Variants in MCM6 observed in about 807,000 individuals in gnomAD.
MCM6 encodes minichromosome maintenance complex component 6.
In MCM6, 46 loss-of-function variants were observed where a neutral mutation model predicts 94.3. The ratio of observed to expected loss-of-function variants is 0.49; its 90% CI spans 0.39 to 0.62. The LOEUF is 0.62. Ranked by LOEUF, MCM6 falls within the 20% of genes least tolerant of loss-of-function variation. The probability of loss-of-function intolerance (pLI) is 0.00; values close to 1 mark genes in which losing one functional copy is unlikely to be tolerated. For missense variants in MCM6, 865 were observed against 1,017.9 expected, an observed-to-expected ratio of 0.85 and a Z score of 2.04; for synonymous variants, 335 against 351.9, an observed-to-expected ratio of 0.95 and a Z score of 0.54.
intron 8 of MCM6, among the ~76,000 whole-genome samples, chr2:135,860,881 G>C (rs1385406881): frequency 6.6e-6 from 1 of 152,008 alleles, no homozygotes; most frequent in Admixed American, 6.6e-5. Context: ...TCTAATCAAG[G>C]ACAATTAGGC....
At chr2:135,873,923 G>A (rs1463287784) in intron 1 of MCM6, among the ~76,000 whole-genome samples, 1 of 152,210 alleles carries the variant, frequency 6.6e-6, no homozygotes, top group Non-Finnish European at 1.5e-5. Context: ...AAAACAGGTG[G>A]TGAAGTGACT....
Position 135,846,284 on chromosome 2 carries a change from C to A in MCM6, c.2162G>T (p.Cys721Phe), listed in dbSNP as rs898714667. 1.1e-5 allele frequency: 18 copies of A among 1,613,966 alleles called. No individual in the cohort carries two copies. In the Admixed American group the frequency reaches 1.8e-4, roughly 16 times the overall value. Residue 721 changes from cysteine (C) to phenylalanine (F), a missense_variant, in exon 15 of 17, where the codon TGC becomes TTC. Around this residue, in one of 3 missense-constraint regions of MCM6, gnomAD observed 308 missense variants for 324.5 expected, o/e 0.95. Coordinates refer to ENST00000264156, the MANE Select transcript of MCM6 (RefSeq NM_005915.6). ...AAGCACAATAAGGTTAGAGATTCGG[C>A]AGTACTCAGAGAAGCCCAGCCTTAA... ...ASLRLGFSEYCRISNLIVLHL... is the reference protein window; with the variant it reads ...ASLRLGFSEYFRISNLIVLHL...
At chr2:135,842,582 C>T (rs897732394) in intron 16 of MCM6, among the ~76,000 whole-genome samples, 1 of 152,216 alleles carries the variant, frequency 6.6e-6, no homozygotes, top group Non-Finnish European at 1.5e-5. Context: ...AAAGAATATA[C>T]TGCTGGGCCA....
rs747222067 is a variant in MCM6, at chr2:135,846,277, G to C, written c.2169C>G (p.Ile723Met). Residue 723 changes from isoleucine (I) to methionine (M), a missense_variant, in exon 15 of 17, where the codon ATC becomes ATG. Ile to Met is a conservative substitution (Grantham distance 10). This residue lies in a region of MCM6 where 308 missense variants were observed against 324.5 expected (regional missense o/e 0.95). Transcript: ENST00000264156. ...LRLGFSEYCRISNLIVLHLRK... is the reference protein window; with the variant it reads ...LRLGFSEYCRMSNLIVLHLRK... ...TGAGGTGAAGCACAATAAGGTTAGA[G>C]ATTCGGCAGTACTCAGAGAAGCCCA... The C allele has an allele frequency of 9.9e-6, 16 of 1,614,008 alleles. No individual in the cohort carries two copies. The East Asian group carries it at 3.3e-4, about 34-fold the overall frequency.
Position 135,868,671 on chromosome 2 carries a change from A to G in MCM6, c.555T>C (p.Cys185=), listed in dbSNP as rs1680143943. The stretch of plus-strand genomic sequence containing the variant: ...CCAGTAAGAATCTCCTCCTGTTGGC[A>G]CAAACTGGATTTCGGCAGATGTTTG... ...TQPNICRNPV[C]ANRRRFLLDT... is the part of the protein sequence containing the mutation. The change falls in exon 4 of 17, where the codon TGT becomes TGC. Residue 185 remains cysteine (C), a synonymous_variant. Transcript: ENST00000264156. 1 of 1,614,168 alleles carries G rather than the reference A, an allele frequency of 6.2e-7. No homozygotes were observed.
chr2:135,860,137 T>G (rs1231811621), intron 8 of MCM6, among the ~76,000 whole-genome samples: 2 of 149,332 alleles, frequency 1.3e-5, no homozygotes, highest in Admixed American at 6.7e-5. Flanking sequence ...TTTAATTTAA[T>G]TAATTTATTT....
Position 135,872,778 on chromosome 2 carries a change from C to G in MCM6, c.173G>C (p.Arg58Thr). 6.2e-7 allele frequency: 1 copy of G among 1,614,216 alleles called. No homozygotes were observed. Among genetic ancestry groups the G allele is most frequent in the Non-Finnish European group, 8.5e-7 (1 of 1,180,044 alleles). The change falls in exon 2 of 17, where the codon AGA (arginine) becomes ACA (threonine). Residue 58 changes from arginine to threonine, a missense_variant. Physicochemically the swap from Arg to Thr is moderately conservative, Grantham distance 71 (BLOSUM62 -1). Coordinates refer to ENST00000264156, the MANE Select transcript of MCM6 (RefSeq NM_005915.6). ...QLAEELIRPE[R>T]NTLVVSFVDL... Reference sequence around the variant, plus strand: ...CACAAAACTCACAACCAATGTGTTTCTCTCAGGACGAATCAGTTCCTCTGC... The same window carrying G: ...CACAAAACTCACAACCAATGTGTTTGTCTCAGGACGAATCAGTTCCTCTGC...
intron 4 of MCM6, among the ~76,000 whole-genome samples, chr2:135,867,035 A>G (rs1306851709): frequency 6.6e-6 from 1 of 152,186 alleles, no homozygotes; most frequent in Non-Finnish European, 1.5e-5. Context: ...ATGACTCCAA[A>G]TATCTGTTCC....
rs551998261 is a variant in MCM6, at chr2:135,843,968, G to A, written c.2349+577C>T. On this transcript the variant is annotated intron_variant, in intron 16 of 16. Coordinates refer to ENST00000264156, the MANE Select transcript of MCM6 (RefSeq NM_005915.6). The stretch of plus-strand genomic sequence containing the variant: ...AGAGAGTGAGGCAAAGAACTGACCC[G>A]GGAAAAGGAATTGCACTGGGCAGTG... 9.9e-5 allele frequency among the ~76,000 whole-genome samples: 15 copies of A among 152,128 alleles called. 1 individual carries two copies. The South Asian group carries it at 3.1e-3, about 32-fold the overall frequency.
In MCM6 at chr2:135,846,169, C is replaced by T. The variant is rs530288746; in HGVS notation, c.2209+68G>A. 2.1e-5 allele frequency: 32 copies of T among 1,501,408 alleles called. No homozygotes were observed. In the African/African-American group the frequency reaches 4.2e-4, roughly 20 times the overall value. The allele number at this position is 1,501,408 out of a possible 1,614,324, so 93.0% of individuals were successfully genotyped here. A position where few individuals can be genotyped will look rare whatever the true frequency, so the allele number is the denominator to read the frequency against. On this transcript the variant is annotated intron_variant, in intron 15 of 16. Coordinates refer to ENST00000264156, the MANE Select transcript of MCM6 (RefSeq NM_005915.6). ...AGAACAACACGAAGTTTGGCAATCA[C>T]AAGTGGCCTATGTGAACAGAGCTTA...
At chr2:135,865,899 G>A (rs1478046695) in intron 6 of MCM6, among the ~76,000 whole-genome samples, 1 of 152,082 alleles carries the variant, frequency 6.6e-6, no homozygotes, top group East Asian at 1.9e-4. Context: ...AAGACTCACT[G>A]TTGGCCTGCC....
At chr2:135,848,847 T>A (rs1024533389) in intron 13 of MCM6, among the ~76,000 whole-genome samples, 5 of 152,012 alleles carry the variant, frequency 3.3e-5, no homozygotes, top group Admixed American at 1.3e-4. Context: ...ATTGTGACAC[T>A]GCACTCCAGC....
intron 6 of MCM6, among the ~76,000 whole-genome samples, chr2:135,865,630 G>T (rs1023050393): frequency 6.6e-6 from 1 of 152,060 alleles, no homozygotes; most frequent in Non-Finnish European, 1.5e-5. Context: ...AATAACAGAG[G>T]AACTATGAAA....
chr2:135,857,830 T>C, intron 10 of MCM6, 67 bp downstream of exon 10: 6 of 1,317,894 alleles, frequency 4.6e-6, no homozygotes, highest in Non-Finnish European at 6.6e-6. Context: ...CAGGTGAACT[T>C]CTCTAGTACT....
intron 11 of MCM6, among the ~76,000 whole-genome samples, chr2:135,854,029 C>T (rs1679825580): frequency 6.6e-6 from 1 of 152,082 alleles, no homozygotes; most frequent in Non-Finnish European, 1.5e-5. Context: ...GAGTTCAAGA[C>T]CAGTCCAGGC....
intron 11 of MCM6, among the ~76,000 whole-genome samples, chr2:135,854,854 C>T (rs962224448): frequency 1.3e-5 from 2 of 151,668 alleles, no homozygotes; most frequent in Non-Finnish European, 2.9e-5. Flanking sequence ...GAGTGGGACC[C>T]TGTCTCAAAA....
At chr2:135,843,507 CG>C (rs1324526739) in intron 16 of MCM6, among the ~76,000 whole-genome samples, 2 of 151,714 alleles carry the variant, frequency 1.3e-5, no homozygotes, top group Non-Finnish European at 2.9e-5. Context: ...CCAAAGTGAG[CG>C]TATCGCCTGA....
chr2:135,848,303 TCA>T (rs554021350), intron 13 of MCM6, 115 bp from the exon 14 acceptor site: 155 of 647,672 alleles, frequency 2.4e-4, no homozygotes, highest in Middle Eastern at 4.4e-4. Flanking sequence ...ACACACACTC[TCA>T]CAGTGTTGCT....
chr2:135,844,581 T>G lies in MCM6; in HGVS notation c.2313A>C (p.Arg771Ser), dbSNP rs368294087. The change falls in exon 16 of 17, where the codon AGA becomes AGC. Residue 771 changes from arginine to serine, a missense_variant. Arg to Ser is a moderately radical substitution (Grantham distance 110). This residue lies in a region of MCM6 where 308 missense variants were observed against 324.5 expected (regional missense o/e 0.95). Transcript: ENST00000264156. ...GTCGATGAATAACTTTCTCTATGAT[T>G]CTTTTTTTATTTATAAGTTCTTCTT... is the stretch of plus-strand genomic sequence containing the variant. ...DSEEELINKK[R>S]IIEKVIHRLT... 49 of 1,579,456 alleles carry G rather than the reference T, an allele frequency of 3.1e-5. No individual in the cohort carries two copies. The highest frequency in any genetic ancestry group is 3.9e-5 in the Non-Finnish European group (45 of 1,165,456).
Sources: gnomAD v4.1 joint callset for allele counts (sites outside exome capture counted in the v4.1 genomes callset) on GRCh38, gnomAD v4.1.1 for gene constraint, gnomAD v4.1.1 regional missense constraint, MANE v1.5 for transcripts, NCBI Gene and HGNC (gene_info 2026-07-23, HGNC 2026-07-21) for gene names.